Variants in MACROD2 observed in about 807,000 individuals in gnomAD.
The protein encoded by MACROD2 is ADP-ribose glycohydrolase MACROD2.
Under a neutral mutation model 70.4 loss-of-function variants are expected in MACROD2, and 36 were observed. The observed-to-expected ratio is 0.51, with a 90% CI of 0.39 to 0.68. MACROD2 has a LOEUF of 0.68. MACROD2 is among the 30% of genes least tolerant of loss of function. The pLI, the probability that MACROD2 is intolerant of heterozygous loss-of-function variation, is 0.00. For missense variants in MACROD2, 496 were observed against 538.4 expected (o/e 0.92, Z 0.78); for synonymous variants, 172 against 178.8 (o/e 0.96, Z 0.30).
chr20:15,457,961 A>T (rs1358373857), intron 7 of MACROD2, among the ~76,000 whole-genome samples: 1 of 147,436 alleles, frequency 6.8e-6, no homozygotes, highest in South Asian at 2.2e-4. Context: ...AAAAAAAAAA[A>T]AGAAAAAAGA....
intron 8 of MACROD2, among the ~76,000 whole-genome samples, chr20:15,607,844 T>A (rs1484803177): frequency 6.6e-6 from 1 of 152,234 alleles, no homozygotes; most frequent in East Asian, 1.9e-4. Context: ...GCAATAAAGA[T>A]GTTTCTATAA....
chr20:15,182,377 G>A lies in MACROD2; in HGVS notation c.419-47563G>A, dbSNP rs115738427. Reference sequence around the variant, plus strand: ...AATTGTGTCTTACATTTACAATCTAGTGAGCTGTGAATAAAGGTGGTGGGG... The same window carrying A: ...AATTGTGTCTTACATTTACAATCTAATGAGCTGTGAATAAAGGTGGTGGGG... On this transcript the variant is annotated intron_variant, in intron 5 of 17. Transcript: ENST00000684519. Among the ~76,000 whole-genome samples, 646 of 152,262 alleles carry A rather than the reference G, an allele frequency of 4.2e-3. 8 individuals carry two copies. The highest frequency in any genetic ancestry group is 0.015 in the African/African-American group (624 of 41,544).
At chr20:15,271,220 G>A (rs936037728) in intron 6 of MACROD2, among the ~76,000 whole-genome samples, 33 of 152,138 alleles carry the variant, frequency 2.2e-4, no homozygotes, top group Non-Finnish European at 7.3e-5. Flanking sequence ...TCTGGTGAGG[G>A]TACAATCCCT....
intron 3 of MACROD2, among the ~76,000 whole-genome samples, chr20:14,118,013 A>G (rs2054536662): frequency 6.6e-6 from 1 of 152,212 alleles, no homozygotes; most frequent in Non-Finnish European, 1.5e-5. Context: ...GATTATGACT[A>G]CATTAATCCT....
intron 3 of MACROD2, among the ~76,000 whole-genome samples, chr20:14,238,816 C>G (rs974443730): frequency 1.3e-5 from 2 of 151,866 alleles, no homozygotes; most frequent in African/African-American, 4.8e-5. Flanking sequence ...ATCATTAGGT[C>G]AGGAGTTCAA....
At chr20:14,656,563 G>A (rs1216512553) in intron 4 of MACROD2, among the ~76,000 whole-genome samples, 1 of 152,180 alleles carries the variant, frequency 6.6e-6, no homozygotes, top group East Asian at 1.9e-4. Context: ...AACTGGCAGT[G>A]CATATAGGCT....
At chr20:15,349,270 AT>A (rs1455919526) in intron 6 of MACROD2, among the ~76,000 whole-genome samples, 1 of 152,292 alleles carries the variant, frequency 6.6e-6, no homozygotes, top group East Asian at 1.9e-4. Flanking sequence ...CTAGAAATGT[AT>A]CCTTTTTCAT....
chr20:14,782,637 A>G (rs919090109), intron 5 of MACROD2, among the ~76,000 whole-genome samples: 1 of 151,992 alleles, frequency 6.6e-6, no homozygotes, highest in African/African-American at 2.4e-5. Context: ...ATTCCTGACA[A>G]CTGTAAAGTG....
intron 5 of MACROD2, among the ~76,000 whole-genome samples, chr20:15,157,598 CA>C (rs1156901424): frequency 2.6e-5 from 4 of 152,116 alleles, no homozygotes; most frequent in Non-Finnish European, 4.4e-5. Context: ...ATAAGCTCAA[CA>C]GCTAGTGTTG....
intron 7 of MACROD2, among the ~76,000 whole-genome samples, chr20:15,491,070 T>C (rs1600488280): frequency 6.6e-6 from 1 of 152,152 alleles, no homozygotes; most frequent in East Asian, 1.9e-4. Flanking sequence ...CTAAGTAGAG[T>C]GACTTATACA....
chr20:15,025,552 C>T (rs2075223859), intron 5 of MACROD2, among the ~76,000 whole-genome samples: 2 of 77,094 alleles, frequency 2.6e-5, no homozygotes, highest in Admixed American at 2.7e-4. Context: ...CTCAGGGGCT[C>T]CTGATACACC....
At chr20:14,652,126 A>G (rs906412160) in intron 4 of MACROD2, among the ~76,000 whole-genome samples, 10 of 152,120 alleles carry the variant, frequency 6.6e-5, no homozygotes, top group Non-Finnish European at 8.8e-5. Context: ...ATTGCCTCAC[A>G]TTGTATATCC....
chr20:15,004,165 C>T (rs2075017768), intron 5 of MACROD2, among the ~76,000 whole-genome samples: 1 of 152,312 alleles, frequency 6.6e-6, no homozygotes, highest in Middle Eastern at 3.4e-3. Flanking sequence ...TGGCTGTCCT[C>T]ATGTCTATTA....
At chr20:14,667,482 A>G (rs1179116207) in intron 4 of MACROD2, among the ~76,000 whole-genome samples, 1 of 152,172 alleles carries the variant, frequency 6.6e-6, no homozygotes, top group East Asian at 1.9e-4. Context: ...AGGATGAGAA[A>G]GTTTGTACTT....
intron 5 of MACROD2, among the ~76,000 whole-genome samples, chr20:14,778,069 T>C (rs746321355): frequency 1.3e-5 from 2 of 152,082 alleles, no homozygotes; most frequent in African/African-American, 2.4e-5. Context: ...TTCACCAACA[T>C]GTTTCCCACA....
At chr20:16,028,220 G>T (rs1451477213) in intron 15 of MACROD2, among the ~76,000 whole-genome samples, 2 of 152,152 alleles carry the variant, frequency 1.3e-5, no homozygotes, top group Admixed American at 1.3e-4. Context: ...TCTCCTTTGT[G>T]CATCCACCAT....
intron 5 of MACROD2, among the ~76,000 whole-genome samples, chr20:14,719,253 C>T (rs2060761215): frequency 6.6e-6 from 1 of 151,782 alleles, no homozygotes; most frequent in Non-Finnish European, 1.5e-5. Context: ...TACAAATAGT[C>T]ATTTTATAGT....
intron 8 of MACROD2, among the ~76,000 whole-genome samples, chr20:15,536,004 C>T (rs1393579769): frequency 8.5e-5 from 13 of 152,078 alleles, no homozygotes; most frequent in Non-Finnish European, 1.5e-5. Context: ...ACAGTGGACA[C>T]CTCAAGGTCA....
chr20:14,610,477 T>C (rs568275713), intron 4 of MACROD2, among the ~76,000 whole-genome samples: 43 of 152,242 alleles, frequency 2.8e-4, no homozygotes, highest in African/African-American at 9.6e-4. Context: ...GTTTCTTTTT[T>C]ACCCACTGCT....
Sources: gnomAD v4.1 joint callset for allele counts (sites outside exome capture counted in the v4.1 genomes callset) on GRCh38, gnomAD v4.1.1 for gene constraint, MANE v1.5 for transcripts, NCBI Gene and HGNC (gene_info 2026-07-23, HGNC 2026-07-21) for gene names.